Variants in FBXL7 observed in about 807,000 individuals in gnomAD.
The protein encoded by FBXL7 is F-box and leucine rich repeat protein 7.
Under a neutral mutation model 38.3 loss-of-function variants are expected in FBXL7, and 12 were observed. The ratio of observed to expected loss-of-function variants is 0.31; its 90% CI spans 0.20 to 0.51. The LOEUF (loss-of-function observed/expected upper bound fraction) is 0.51, where lower values mean the gene tolerates loss of function less well. Among genes scored for constraint, FBXL7 ranks in the 20% least tolerant of loss-of-function variants. The pLI is 0.98. For missense variants in FBXL7, 567 were observed against 676.4 expected, an observed-to-expected ratio of 0.84 and a Z score of 1.79; for synonymous variants, 297 against 300.9, an observed-to-expected ratio of 0.99 and a Z score of 0.13.
chr5:15,540,065 T>C (rs2126405638), intron 1 of FBXL7, among the ~76,000 whole-genome samples: 1 of 151,828 alleles, frequency 6.6e-6, no homozygotes, highest in South Asian at 2.1e-4. Flanking sequence ...AGTTTTGGGG[T>C]GATGCAAATC....
chr5:15,694,315 T>C (rs1743268070), intron 2 of FBXL7, among the ~76,000 whole-genome samples: 1 of 152,210 alleles, frequency 6.6e-6, no homozygotes, highest in Non-Finnish European at 1.5e-5. Flanking sequence ...CTTTATTTTG[T>C]CTTAGCCTTG....
intron 3 of FBXL7, among the ~76,000 whole-genome samples, chr5:15,929,502 C>A (rs1382493201): frequency 6.6e-6 from 1 of 151,896 alleles, no homozygotes; most frequent in African/African-American, 2.4e-5. Flanking sequence ...AGACTGTGGT[C>A]CCAGCTATTC....
Position 15,818,735 on chromosome 5 carries a change from TGTGTGTGTGAGAGA to T in FBXL7, c.128-109153_128-109140del, listed in dbSNP as rs750298782. Among the ~76,000 whole-genome samples the T allele has an allele frequency of 9.0e-3, 825 of 91,398 alleles. 4 individuals carry two copies. Among genetic ancestry groups the T allele is most frequent in the Middle Eastern group, 0.033 (6 of 184 alleles). The allele number at this position is 91,398 out of a possible 152,430, so 60.0% of individuals were successfully genotyped here. On this transcript the variant is annotated intron_variant, in intron 2 of 3. Coordinates refer to ENST00000504595, the MANE Select transcript of FBXL7 (RefSeq NM_012304.5). ...GTGTGTGTGTGTGTGTGTGTGTGTG[TGTGTGTGTGAGAGA>T]GAGAGAGATTTAAAATTCCCATGGG...
intron 1 of FBXL7, among the ~76,000 whole-genome samples, chr5:15,565,655 G>A (rs1738547506): frequency 1.3e-5 from 2 of 151,930 alleles, no homozygotes; most frequent in African/African-American, 4.8e-5. Context: ...TCTACAGTCA[G>A]CAAGCCTGAA....
At chr5:15,842,934 G>A (rs1004185886) in intron 2 of FBXL7, among the ~76,000 whole-genome samples, 2 of 152,106 alleles carry the variant, frequency 1.3e-5, no homozygotes, top group Admixed American at 6.5e-5. Context: ...ATACAAAGCT[G>A]TACCACATTT....
chr5:15,542,542 T>A (rs524928), intron 1 of FBXL7, among the ~76,000 whole-genome samples: 1 of 152,256 alleles, frequency 6.6e-6, no homozygotes, highest in East Asian at 1.9e-4. Context: ...ATCTACTAGG[T>A]TCATACGATC....
At chr5:15,889,380 C>A (rs1314705307) in intron 2 of FBXL7, among the ~76,000 whole-genome samples, 1 of 152,196 alleles carries the variant, frequency 6.6e-6, no homozygotes, top group Non-Finnish European at 1.5e-5. Flanking sequence ...GTATCTTCCT[C>A]ATTGAAAGGC....
At chr5:15,713,961 G>A (rs1260929831) in intron 2 of FBXL7, among the ~76,000 whole-genome samples, 1 of 152,220 alleles carries the variant, frequency 6.6e-6, no homozygotes, top group Non-Finnish European at 1.5e-5. Context: ...GCTGAATAAT[G>A]TGCTGCCCAA....
intron 2 of FBXL7, among the ~76,000 whole-genome samples, chr5:15,746,025 G>A (rs1423933698): frequency 6.6e-6 from 1 of 152,158 alleles, no homozygotes; most frequent in East Asian, 1.9e-4. Context: ...TGGTGAGAGG[G>A]TGAGAAGTGG....
chr5:15,692,023 G>A (rs996344558), intron 2 of FBXL7, among the ~76,000 whole-genome samples: 12 of 152,144 alleles, frequency 7.9e-5, no homozygotes, highest in Non-Finnish European at 1.3e-4. Context: ...GTGGCTGAGC[G>A]TCTGCTGTGG....
chr5:15,805,821 CA>C (rs1417901833), intron 2 of FBXL7, among the ~76,000 whole-genome samples: 1 of 152,138 alleles, frequency 6.6e-6, no homozygotes, highest in Admixed American at 6.5e-5. Context: ...ATAATAACTT[CA>C]GTGGATATAA....
At chr5:15,587,335 G>C (rs2126475601) in intron 1 of FBXL7, among the ~76,000 whole-genome samples, 1 of 152,200 alleles carries the variant, frequency 6.6e-6, no homozygotes, top group East Asian at 1.9e-4. Context: ...TCATTCCTTA[G>C]GTCTCAGCCC....
chr5:15,873,794 G>A (rs1258411539), intron 2 of FBXL7, among the ~76,000 whole-genome samples: 1 of 151,908 alleles, frequency 6.6e-6, no homozygotes, highest in African/African-American at 2.4e-5. Context: ...AACCAAAAGA[G>A]GCCCAGGACC....
intron 2 of FBXL7, among the ~76,000 whole-genome samples, chr5:15,802,276 A>G (rs1239449357): frequency 6.6e-6 from 1 of 152,130 alleles, no homozygotes; most frequent in African/African-American, 2.4e-5. Flanking sequence ...ACCTTTGAGA[A>G]GCATGACCCA....
chr5:15,611,082 T>C (rs1308663273), intron 1 of FBXL7, among the ~76,000 whole-genome samples: 5 of 152,252 alleles, frequency 3.3e-5, no homozygotes, highest in African/African-American at 1.2e-4. Context: ...GTCCTCATTA[T>C]TTGTGGATTT....
intron 1 of FBXL7, among the ~76,000 whole-genome samples, chr5:15,591,186 T>G (rs1247207491): frequency 6.6e-6 from 1 of 152,000 alleles, no homozygotes; most frequent in Non-Finnish European, 1.5e-5. Context: ...TCCCAGCACT[T>G]TGGGAGGCCG....
At chr5:15,558,550 AG>A (rs1467472326) in intron 1 of FBXL7, among the ~76,000 whole-genome samples, 1 of 152,222 alleles carries the variant, frequency 6.6e-6, no homozygotes, top group Non-Finnish European at 1.5e-5. Context: ...ACTGTTCCCA[AG>A]GGATTTACTT....
intron 2 of FBXL7, among the ~76,000 whole-genome samples, chr5:15,820,843 G>A (rs1171048746): frequency 6.6e-6 from 1 of 151,992 alleles, no homozygotes; most frequent in Non-Finnish European, 1.5e-5. Context: ...TCATGTTGCA[G>A]CAACTTGGCT....
At chr5:15,640,437 G>A (rs894465924) in intron 2 of FBXL7, among the ~76,000 whole-genome samples, 1 of 152,094 alleles carries the variant, frequency 6.6e-6, no homozygotes, top group Non-Finnish European at 1.5e-5. Flanking sequence ...TCTGCTGCAG[G>A]ATAATCTCAT....
Sources: allele counts gnomAD v4.1 joint callset (sites outside exome capture counted in the v4.1 genomes callset), GRCh38; gene constraint gnomAD v4.1.1; transcripts MANE v1.5; gene names NCBI Gene and HGNC (gene_info 2026-07-23, HGNC 2026-07-21).